Variants in MECOM observed in about 807,000 individuals in gnomAD.
The protein encoded by MECOM is histone-lysine N-methyltransferase MECOM.
MECOM carries 13 observed loss-of-function variants against 116.3 expected under a neutral mutation model. The ratio of observed to expected loss-of-function variants is 0.11; its 90% confidence interval spans 0.07 to 0.18. The LOEUF (loss-of-function observed/expected upper bound fraction) is 0.18. Ranked by LOEUF, MECOM falls within the 10% of genes least tolerant of loss-of-function variation. The pLI, the probability that MECOM is intolerant of heterozygous loss-of-function variation, is 1.00. For synonymous variants in MECOM, 528 were observed against 535.2 expected (o/e 0.99, Z 0.19); for missense variants, 1,299 against 1,509.0 (o/e 0.86, Z 2.31).
At chr3:169,234,743 T>C (rs567950820) in intron 2 of MECOM, among the ~76,000 whole-genome samples, 5 of 152,334 alleles carry the variant, frequency 3.3e-5, no homozygotes, top group Admixed American at 6.5e-5. Context: ...CTGCTCACCA[T>C]ATGTGTACAT....
chr3:169,259,322 A>G (rs1255978554), intron 2 of MECOM, among the ~76,000 whole-genome samples: 1 of 152,222 alleles, frequency 6.6e-6, no homozygotes, highest in Non-Finnish European at 1.5e-5. Context: ...ACACCGGCTC[A>G]AATCTTACGT....
At position 169,591,190 on chromosome 3, in the gene MECOM, G is replaced by A. The variant is rs75721911; in HGVS notation, c.37+72146C>T. Among the ~76,000 whole-genome samples, 817 of 152,184 alleles carry A rather than the reference G, an allele frequency of 5.4e-3. 11 individuals carry two copies. The highest frequency in any genetic ancestry group is 0.018 in the African/African-American group (750 of 41,538). On this transcript the variant is annotated intron_variant, in intron 1 of 16. Transcript: ENST00000651503. ...CTGTGGCAATCCTCTCAGCCCTCTC[G>A]CTTATTAGTGGAGGAGAACTGGGAA... is the stretch of plus-strand genomic sequence containing the variant.
chr3:169,480,714 A>G (rs1334745208), intron 1 of MECOM, among the ~76,000 whole-genome samples: 2 of 152,076 alleles, frequency 1.3e-5, no homozygotes, highest in Admixed American at 6.6e-5. Flanking sequence ...CAAAAAGGAG[A>G]TGAAGGGAGA....
intron 2 of MECOM, among the ~76,000 whole-genome samples, chr3:169,363,485 C>T (rs1367769193): frequency 3.3e-5 from 5 of 151,930 alleles, no homozygotes; most frequent in Admixed American, 1.3e-4. Flanking sequence ...GGTGCTGCTT[C>T]TTGAGCGATC....
chr3:169,358,137 G>C (rs1014425938), intron 2 of MECOM, among the ~76,000 whole-genome samples: 3 of 151,720 alleles, frequency 2.0e-5, no homozygotes, highest in Non-Finnish European at 4.4e-5. Flanking sequence ...AAGACTTTGT[G>C]ACTATTTCTC....
chr3:169,554,424 T>A (rs1306256641), intron 1 of MECOM, among the ~76,000 whole-genome samples: 1 of 151,948 alleles, frequency 6.6e-6, no homozygotes, highest in Non-Finnish European at 1.5e-5. Flanking sequence ...AGTTAAAGAG[T>A]TTTCAATTTT....
chr3:169,267,725 G>C (rs1758482049), intron 2 of MECOM, among the ~76,000 whole-genome samples: 1 of 151,850 alleles, frequency 6.6e-6, no homozygotes, highest in African/African-American at 2.4e-5. Flanking sequence ...GGATGTGATA[G>C]AAAAGACAAA....
intron 13 of MECOM, among the ~76,000 whole-genome samples, chr3:169,094,610 T>C (rs934339545): frequency 3.3e-5 from 5 of 152,212 alleles, no homozygotes; most frequent in Non-Finnish European, 5.9e-5. Flanking sequence ...ATTCCCAGTC[T>C]TAACAAAAAT....
chr3:169,391,482 T>C (rs181547428), intron 1 of MECOM, among the ~76,000 whole-genome samples: 1 of 152,078 alleles, frequency 6.6e-6, no homozygotes, highest in Non-Finnish European at 1.5e-5. Flanking sequence ...CCATATTGAG[T>C]TTCCCAATAC....
At chr3:169,168,605 T>C (rs1401987288) in intron 2 of MECOM, among the ~76,000 whole-genome samples, 2 of 152,202 alleles carry the variant, frequency 1.3e-5, no homozygotes, top group South Asian at 2.1e-4. Flanking sequence ...TGACTCTACA[T>C]GTAATCTTTT....
At chr3:169,656,916 A>T (rs932039539) in intron 1 of MECOM, among the ~76,000 whole-genome samples, 3 of 152,266 alleles carry the variant, frequency 2.0e-5, no homozygotes, top group Non-Finnish European at 4.4e-5. Context: ...AAAATGCTGT[A>T]TGGATGTTTA....
intron 2 of MECOM, among the ~76,000 whole-genome samples, chr3:169,174,574 T>C (rs531582493): frequency 2.0e-5 from 3 of 152,322 alleles, no homozygotes; most frequent in African/African-American, 4.8e-5. Context: ...TACTTCAGTA[T>C]TGACAATTGT....
intron 2 of MECOM, among the ~76,000 whole-genome samples, chr3:169,211,180 C>T (rs1429891407): frequency 1.3e-5 from 2 of 152,050 alleles, no homozygotes. Context: ...TAAACTATTT[C>T]CCAACGTGGC....
chr3:169,520,475 C>T (rs1048321281), intron 1 of MECOM, among the ~76,000 whole-genome samples: 1 of 152,064 alleles, frequency 6.6e-6, no homozygotes, highest in African/African-American at 2.4e-5. Flanking sequence ...AATGTCCTCA[C>T]AAAAAGGGGA....
chr3:169,466,638 C>T (rs560498232), intron 1 of MECOM, among the ~76,000 whole-genome samples: 3 of 151,992 alleles, frequency 2.0e-5, no homozygotes, highest in South Asian at 2.1e-4. Flanking sequence ...TCTTTCACTT[C>T]GGCCTCTTTA....
chr3:169,422,184 A>G (rs1739886936), intron 1 of MECOM, among the ~76,000 whole-genome samples: 1 of 152,138 alleles, frequency 6.6e-6, no homozygotes, highest in Non-Finnish European at 1.5e-5. Context: ...TCTAGCTGAG[A>G]CTTTATTCAC....
intron 2 of MECOM, among the ~76,000 whole-genome samples, chr3:169,175,829 C>G (rs2149382997): frequency 6.6e-6 from 1 of 152,258 alleles, no homozygotes; most frequent in South Asian, 2.1e-4. Flanking sequence ...TCTCTTCCTT[C>G]TATGGCAGAC....
chr3:169,155,610 C>T (rs970987601), intron 2 of MECOM, among the ~76,000 whole-genome samples: 3 of 152,072 alleles, frequency 2.0e-5, no homozygotes, highest in Admixed American at 1.3e-4. Context: ...GAAGAAAAAC[C>T]GCACTAACAA....
chr3:169,301,715 TGAC>T (rs1263103908), intron 2 of MECOM, among the ~76,000 whole-genome samples: 1 of 152,244 alleles, frequency 6.6e-6, no homozygotes, highest in Non-Finnish European at 1.5e-5. Context: ...CTAATTTTGA[TGAC>T]AGTTTTCAGT....
Sources: gnomAD v4.1 joint callset for allele counts (sites outside exome capture counted in the v4.1 genomes callset) on GRCh38, gnomAD v4.1.1 for gene constraint, MANE v1.5 for transcripts, NCBI Gene and HGNC (gene_info 2026-07-23, HGNC 2026-07-21) for gene names.